The following ASB3 variants were observed in gnomAD, a reference collection of about 807,000 sequenced individuals.
ASB3 encodes ankyrin repeat and SOCS box protein 3.
In ASB3, 41 loss-of-function variants were observed where a neutral mutation model predicts 54.5. The observed-to-expected ratio is 0.75, with a 90% CI of 0.59 to 0.98. The LOEUF (loss-of-function observed/expected upper bound fraction) is 0.98. ASB3 is among the 50% of genes least tolerant of loss of function. ASB3 has a pLI of 0.00. For synonymous variants in ASB3, 266 were observed against 221.2 expected (o/e 1.20, Z -1.80); for missense variants, 733 against 620.0 (o/e 1.18, Z -1.94).
At chr2:53,691,499 T>C (rs1371013835) in intron 9 of ASB3, among the ~76,000 whole-genome samples, 1 of 152,132 alleles carries the variant, frequency 6.6e-6, no homozygotes, top group Non-Finnish European at 1.5e-5. Context: ...TATGATAAGT[T>C]ATTGGAGGAA....
chr2:53,697,950 GTCTCAATGGCAGCC>G lies in ASB3; in HGVS notation c.1238+2307_1238+2320del, dbSNP rs558439470. On this transcript the variant is annotated intron_variant, in intron 8 of 9. Coordinates refer to ENST00000263634, the MANE Select transcript of ASB3 (RefSeq NM_016115.5). The stretch of plus-strand genomic sequence containing the variant: ...ATGCTGGTAGCTCTACAGTCCTGAG[GTCTCAATGGCAGCC>G]CTGCTCCCATGGGTCCTCTAGGCAT... Among the ~76,000 whole-genome samples the G allele has an allele frequency of 9.9e-5, 15 of 152,280 alleles. No individual in the cohort carries two copies. The East Asian group carries it at 2.9e-3, about 29-fold the overall frequency.
chr2:53,726,621 C>CAT (rs756234370), intron 5 of ASB3, among the ~76,000 whole-genome samples: 156 of 150,846 alleles, frequency 1.0e-3, no homozygotes, highest in African/African-American at 3.6e-3. Context: ...TATATACACA[C>CAT]ATATATATAT....
intron 6 of ASB3, among the ~76,000 whole-genome samples, chr2:53,715,304 T>C (rs964680286): frequency 3.9e-5 from 6 of 152,134 alleles, no homozygotes. Flanking sequence ...TAAAACTGTA[T>C]AGTTAAAGCC....
intron 7 of ASB3, among the ~76,000 whole-genome samples, chr2:53,703,247 T>C (rs1168065121): frequency 6.6e-6 from 1 of 152,238 alleles, no homozygotes; most frequent in African/African-American, 2.4e-5. Context: ...CTTGAAAGAC[T>C]GGCTTCATAT....
At chr2:53,694,044 A>G in intron 8 of ASB3, 30 bp from the exon 9 acceptor site, 1 of 1,608,270 alleles carries the variant, frequency 6.2e-7, no homozygotes, top group African/African-American at 1.3e-5. Flanking sequence ...ATATAATATT[A>G]GAAACAAAAC....
chr2:53,695,845 G>C, intron 8 of ASB3, among the ~76,000 whole-genome samples: 1 of 152,042 alleles, frequency 6.6e-6, no homozygotes, highest in East Asian at 1.9e-4. Flanking sequence ...ATTGTGACAG[G>C]CAATTATTCA....
chr2:53,731,341 G>A (rs546652454), intron 3 of ASB3, among the ~76,000 whole-genome samples: 3 of 152,096 alleles, frequency 2.0e-5, no homozygotes, highest in African/African-American at 7.2e-5. Flanking sequence ...GGTGGAGGTT[G>A]CACTGCACTC....
chr2:53,700,903 C>T (rs1198820681), intron 7 of ASB3, among the ~76,000 whole-genome samples: 1 of 152,204 alleles, frequency 6.6e-6, no homozygotes, highest in Non-Finnish European at 1.5e-5. Context: ...ATCCTTAAAA[C>T]TAAATGATTC....
At chr2:53,782,518 T>C (rs565871612) in intron 1 of ASB3, among the ~76,000 whole-genome samples, 38 of 152,232 alleles carry the variant, frequency 2.5e-4, no homozygotes, top group Non-Finnish European at 4.0e-4. Flanking sequence ...GCCAAACTTT[T>C]TACCACAGCC....
chr2:53,704,938 T>C (rs1199040092), intron 7 of ASB3, among the ~76,000 whole-genome samples: 2 of 152,194 alleles, frequency 1.3e-5, no homozygotes, highest in African/African-American at 4.8e-5. Context: ...CATTTGCCTT[T>C]TGAAGCCATT....
At chr2:53,677,479 A>G (rs919746251) in intron 9 of ASB3, among the ~76,000 whole-genome samples, 2 of 151,372 alleles carry the variant, frequency 1.3e-5, no homozygotes, top group Admixed American at 6.6e-5. Flanking sequence ...CAAACTTTCT[A>G]TCTGCAGGTT....
intron 9 of ASB3, among the ~76,000 whole-genome samples, chr2:53,680,883 AC>A (rs1361121422): frequency 1.3e-5 from 2 of 148,642 alleles, no homozygotes; most frequent in African/African-American, 2.5e-5. Flanking sequence ...CCCACCTCTC[AC>A]CCCCCATCCC....
rs1384529775 is a variant in ASB3 at position 53,729,514 on chromosome 2, C to A, written c.412G>T (p.Val138Phe). 6.2e-7 allele frequency: 1 copy of A among 1,613,962 alleles called. No individual in the cohort carries two copies. The highest frequency in any genetic ancestry group is 1.3e-5 in the African/African-American group (1 of 75,048). The change falls in exon 4 of 10, where the codon GTT (valine) becomes TTT (phenylalanine). Residue 138 changes from valine (V) to phenylalanine (F), a missense_variant. Coordinates refer to ENST00000263634, the MANE Select transcript of ASB3 (RefSeq NM_016115.5). ...LRLLLQHGAN[V>F]NGSHSMCGWN... ...CCACACATAGAATGGGATCCATTAA[C>A]ATTTGCTCCGTGTTGAAGCAACAGC...
chr2:53,748,148 A>C (rs556880448), intron 3 of ASB3: 8 of 152,336 alleles, frequency 5.3e-5, no homozygotes, highest in African/African-American at 1.9e-4. Flanking sequence ...AAACACCCAC[A>C]CAAGGCTTAG....
chr2:53,782,099 C>T (rs141802543), intron 1 of ASB3, among the ~76,000 whole-genome samples: 187 of 152,246 alleles, frequency 1.2e-3, no homozygotes, highest in African/African-American at 3.9e-3. Context: ...ATCGCTTGAG[C>T]CCCAGAGGTT....
In ASB3 at chr2:53,767,993, G is replaced by C. The variant is rs375695848; in HGVS notation, c.-13-2408C>G. ...TACAGCAGGCGCTTCTGGCAGGGCA[G>C]CACGGACCACCGCGGGGTCCCCGGC... On this transcript the variant is annotated intron_variant, in intron 1 of 9. Coordinates refer to ENST00000263634, the MANE Select transcript of ASB3 (RefSeq NM_016115.5). The C allele has an allele frequency of 8.1e-6, 13 of 1,611,470 alleles. No homozygotes were observed. Among genetic ancestry groups the C allele is most frequent in the Non-Finnish European group, 1.0e-5 (12 of 1,177,696 alleles).
chr2:53,763,005 C>T (rs1673230291), intron 2 of ASB3, among the ~76,000 whole-genome samples: 1 of 152,064 alleles, frequency 6.6e-6, no homozygotes, highest in South Asian at 2.1e-4. Flanking sequence ...TACATACCTT[C>T]TTATTTGGGT....
chr2:53,783,143 A>G (rs1674747685), intron 1 of ASB3, among the ~76,000 whole-genome samples: 1 of 152,170 alleles, frequency 6.6e-6, no homozygotes, highest in African/African-American at 2.4e-5. Flanking sequence ...ACCTGAAAGA[A>G]GCAGAGCTAT....
rs146602048 is a variant in ASB3 at position 53,680,287 on chromosome 2, A to G, written c.1370-9597T>C. 7.5e-3 allele frequency among the ~76,000 whole-genome samples: 1,142 copies of G among 152,322 alleles called. 7 individuals carry two copies. The highest frequency in any genetic ancestry group is 0.014 in the South Asian group (70 of 4,830). On this transcript the variant is annotated intron_variant, in intron 9 of 9. Coordinates refer to ENST00000263634, the MANE Select transcript of ASB3 (RefSeq NM_016115.5). Reference sequence around the variant, plus strand: ...TTATGGGATTGCTGGATCGAACAGTATGTCTGCTTTTAGGTCTTTGAGGAA... The same window carrying G: ...TTATGGGATTGCTGGATCGAACAGTGTGTCTGCTTTTAGGTCTTTGAGGAA...
Sources: allele counts gnomAD v4.1 joint callset (sites outside exome capture counted in the v4.1 genomes callset), GRCh38; gene constraint gnomAD v4.1.1; transcripts MANE v1.5; gene names NCBI Gene and HGNC (gene_info 2026-07-23, HGNC 2026-07-21).